The following OLA1 variants were observed in gnomAD, a reference collection of about 807,000 sequenced individuals.
OLA1 encodes obg-like ATPase 1.
Under a neutral mutation model 48.4 loss-of-function variants are expected in OLA1, and 14 were observed. The observed-to-expected ratio is 0.29, with a 90% CI of 0.19 to 0.45. The LOEUF is 0.45. Among genes scored for constraint, OLA1 ranks in the 20% least tolerant of loss-of-function variants. OLA1 has a pLI of 1.00. For synonymous variants in OLA1, 127 were observed against 150.4 expected (o/e 0.84, Z 1.14); for missense variants, 325 against 467.1 (o/e 0.70, Z 2.80).
chr2:174,234,485 A>G (rs1000923911), intron 2 of OLA1, among the ~76,000 whole-genome samples: 13 of 152,024 alleles, frequency 8.6e-5, no homozygotes, highest in South Asian at 4.1e-4. Flanking sequence ...TTTTTTGGAG[A>G]TAGGGTCTCA....
At position 174,129,087 on chromosome 2, in the gene OLA1, G is replaced by A. The variant is rs111725951; in HGVS notation, c.550-5412C>T. 3.8e-3 allele frequency among the ~76,000 whole-genome samples: 582 copies of A among 152,206 alleles called. 2 individuals carry two copies. Among genetic ancestry groups the A allele is most frequent in the South Asian group, 7.7e-3 (37 of 4,818 alleles). ...CTGTATAACTCCAATAAAATATGGT[G>A]ATTGTGAAAATAAAACAAGAAAATA... On this transcript the variant is annotated intron_variant, in intron 5 of 10. Coordinates refer to ENST00000284719, the MANE Select transcript of OLA1 (RefSeq NM_013341.5).
intron 4 of OLA1, among the ~76,000 whole-genome samples, chr2:174,205,024 A>C (rs1297048612): frequency 6.6e-6 from 1 of 152,180 alleles, no homozygotes; most frequent in Non-Finnish European, 1.5e-5. Context: ...AAGTATATAA[A>C]CAGCAGGTCA....
chr2:174,192,963 C>A (rs66702896), intron 4 of OLA1, among the ~76,000 whole-genome samples: 15,116 of 152,056 alleles, frequency 0.099, 1,930 homozygotes, highest in East Asian at 0.68. Flanking sequence ...TACATGTCCA[C>A]GTGTGTAAGC....
rs1684637199 is a variant in OLA1 at position 174,072,923 on chromosome 2, T to TA, written c.*2502dup. ...AATGCATGTTATGAAGATAACATGA[T>TA]AAAACACAACTAAATGCTATTACAA... On this transcript the variant is annotated 3_prime_UTR_variant, in exon 11 of 11. Transcript: ENST00000284719. 1 of 152,208 alleles carries TA rather than the reference T, an allele frequency of 6.6e-6. No individual in the cohort carries two copies. The highest frequency in any genetic ancestry group is 2.1e-4 in the South Asian group (1 of 4,832). The allele number at this position is 152,208 out of a possible 1,614,324, so 9.4% of individuals were successfully genotyped here. A position where few individuals can be genotyped will look rare whatever the true frequency, so the allele number is the denominator to read the frequency against.
intron 4 of OLA1, among the ~76,000 whole-genome samples, chr2:174,170,298 A>G (rs757295159): frequency 6.6e-6 from 1 of 152,206 alleles, no homozygotes; most frequent in Non-Finnish European, 1.5e-5. Context: ...GCACCTGTAA[A>G]CAAACTGAAA....
At chr2:174,142,517 G>T (rs894906176) in intron 4 of OLA1, among the ~76,000 whole-genome samples, 6 of 152,156 alleles carry the variant, frequency 3.9e-5, no homozygotes, top group Non-Finnish European at 7.4e-5. Context: ...TGATTTGAGG[G>T]TATGGTTTTT....
chr2:174,112,458 A>C (rs1232624258), intron 7 of OLA1, among the ~76,000 whole-genome samples: 5 of 152,318 alleles, frequency 3.3e-5, no homozygotes, highest in Middle Eastern at 3.4e-3. Flanking sequence ...AACATTAGGC[A>C]TACAAATTAT....
intron 4 of OLA1, chr2:174,217,896 T>G (rs1244464974): frequency 6.6e-6 from 1 of 152,250 alleles, no homozygotes; most frequent in African/African-American, 2.4e-5. Flanking sequence ...TAGTCCACAT[T>G]TGCTGCAAAC....
At chr2:174,089,340 C>T (rs923265921) in intron 7 of OLA1, among the ~76,000 whole-genome samples, 3 of 152,106 alleles carry the variant, frequency 2.0e-5, no homozygotes, top group African/African-American at 7.2e-5. Flanking sequence ...AAAATAAACG[C>T]ACATGAACTG....
intron 4 of OLA1, among the ~76,000 whole-genome samples, chr2:174,147,041 C>G (rs1558976293): frequency 6.6e-6 from 1 of 152,098 alleles, no homozygotes; most frequent in Non-Finnish European, 1.5e-5. Context: ...CCAACTGACA[C>G]CACACATACC....
chr2:174,124,830 C>T (rs1686010479), intron 5 of OLA1, among the ~76,000 whole-genome samples: 1 of 152,022 alleles, frequency 6.6e-6, no homozygotes, highest in Non-Finnish European at 1.5e-5. Context: ...ATTTAGTATA[C>T]CTTCCTTCCA....
chr2:174,123,507 G>T, intron 6 of OLA1, 88 bp downstream of exon 6: 3 of 783,402 alleles, frequency 3.8e-6, no homozygotes, highest in Non-Finnish European at 6.1e-6. Context: ...TAGATATAAT[G>T]GTAAGTGTAA....
chr2:174,240,289 A>C (rs556006253), intron 2 of OLA1: 1 of 152,320 alleles, frequency 6.6e-6, no homozygotes, highest in South Asian at 2.1e-4. Context: ...CACTCCTGAT[A>C]GGTCACCATA....
At chr2:174,242,746 A>C (rs1689032870) in intron 2 of OLA1, among the ~76,000 whole-genome samples, 1 of 152,210 alleles carries the variant, frequency 6.6e-6, no homozygotes. Flanking sequence ...GAAATAAAGA[A>C]GTTTGGAACA....
intron 4 of OLA1, among the ~76,000 whole-genome samples, chr2:174,198,401 T>C (rs66717877): frequency 6.6e-6 from 1 of 152,144 alleles, no homozygotes; most frequent in Non-Finnish European, 1.5e-5. Context: ...TAAAGACTAA[T>C]ATAGGCTTCT....
At chr2:174,219,670 C>A (rs73037863) in intron 4 of OLA1, among the ~76,000 whole-genome samples, 40 of 151,978 alleles carry the variant, frequency 2.6e-4, no homozygotes, top group African/African-American at 8.4e-4. Flanking sequence ...AATCTGCCTG[C>A]CCCAGTCTCC....
At chr2:174,125,606 T>A (rs1469586682) in intron 5 of OLA1, among the ~76,000 whole-genome samples, 1 of 152,192 alleles carries the variant, frequency 6.6e-6, no homozygotes, top group African/African-American at 2.4e-5. Context: ...TACAAACATT[T>A]TTACAAAACC....
intron 4 of OLA1, among the ~76,000 whole-genome samples, chr2:174,152,027 G>A (rs1386981378): frequency 2.6e-5 from 4 of 152,168 alleles, no homozygotes; most frequent in African/African-American, 9.7e-5. Flanking sequence ...AGCAATTTGA[G>A]CAAAACCATA....
At chr2:174,151,062 T>C (rs1686734739) in intron 4 of OLA1, among the ~76,000 whole-genome samples, 1 of 152,084 alleles carries the variant, frequency 6.6e-6, no homozygotes, top group South Asian at 2.1e-4. Context: ...AAGGTGGGCA[T>C]GGAGGATAGG....
Sources: allele counts gnomAD v4.1 joint callset (sites outside exome capture counted in the v4.1 genomes callset), GRCh38; gene constraint gnomAD v4.1.1; transcripts MANE v1.5; gene names NCBI Gene and HGNC (gene_info 2026-07-23, HGNC 2026-07-21).